BABAM2: variants seen among roughly 807,000 people sequenced by gnomAD.
The protein encoded by BABAM2 is BRISC and BRCA1 A complex member 2.
BABAM2 carries 31 observed loss-of-function variants against 54.7 expected under a neutral mutation model. The observed-to-expected ratio is 0.57, with a 90% CI of 0.43 to 0.77. The LOEUF is 0.77. Ranked by LOEUF, BABAM2 falls within the 30% of genes least tolerant of loss-of-function variation. BABAM2 has a pLI of 0.00. For missense variants in BABAM2, 364 were observed against 455.8 expected, an observed-to-expected ratio of 0.80 and a Z score of 1.83; for synonymous variants, 167 against 162.9, an observed-to-expected ratio of 1.03 and a Z score of -0.19.
At chr2:28,010,433 C>T (rs1674303902) in intron 4 of BABAM2, among the ~76,000 whole-genome samples, 1 of 151,950 alleles carries the variant, frequency 6.6e-6, no homozygotes, top group African/African-American at 2.4e-5. Context: ...TAGGAAGCTA[C>T]TCAATTTTTG....
At chr2:28,015,781 T>C in intron 4 of BABAM2, 1 of 1,088,774 alleles carries the variant, frequency 9.2e-7, no homozygotes, top group African/African-American at 1.7e-5. Context: ...AGCAGGCTTC[T>C]TTTTCTTCTT....
chr2:28,128,045 C>T (rs1440993786), intron 6 of BABAM2, among the ~76,000 whole-genome samples: 10 of 152,028 alleles, frequency 6.6e-5, no homozygotes, highest in Non-Finnish European at 1.0e-4. Context: ...ATTTCCTGAC[C>T]TCGTGATCCG....
Position 28,325,380 on chromosome 2 carries a change from T to A in BABAM2, c.1089-13070T>A, listed in dbSNP as rs2148319614. Among the ~76,000 whole-genome samples the A allele has an allele frequency of 6.6e-6, 1 of 152,266 alleles. No individual in the cohort carries two copies. The highest frequency in any genetic ancestry group is 1.5e-5 in the Non-Finnish European group (1 of 68,010). On this transcript the variant is annotated intron_variant, in intron 11 of 11. Coordinates refer to ENST00000379624, the MANE Select transcript of BABAM2 (RefSeq NM_199191.3). The surrounding 1 kb of genome is among the most constrained non-coding windows in gnomAD (Gnocchi z 4.3). ...TGCCCCCAGCCTCTCTACTGCATGA[T>A]TACAGAAGACTTGTAAGGCCCCCTC...
At chr2:28,238,728 A>G (rs1682142810) in intron 8 of BABAM2, among the ~76,000 whole-genome samples, 1 of 152,076 alleles carries the variant, frequency 6.6e-6, no homozygotes, top group South Asian at 2.1e-4. Context: ...CTGCCTTCAA[A>G]TCTGTGTCCC....
At chr2:28,136,738 C>T (rs1002586255) in intron 7 of BABAM2, among the ~76,000 whole-genome samples, 1 of 152,190 alleles carries the variant, frequency 6.6e-6, no homozygotes, top group Non-Finnish European at 1.5e-5. Flanking sequence ...CCCTCCCCTG[C>T]CTTTACCCCA....
chr2:28,107,818 C>A lies in BABAM2; in HGVS notation c.571-21453C>A, dbSNP rs1192945759. Reference sequence around the variant, plus strand: ...AGATCCTTAGTGCCTTTAGGTGTTGCCCAACACATAGTGGGGCATTAATAC... The same window carrying A: ...AGATCCTTAGTGCCTTTAGGTGTTGACCAACACATAGTGGGGCATTAATAC... On this transcript the variant is annotated intron_variant, in intron 6 of 11. Coordinates refer to ENST00000379624, the MANE Select transcript of BABAM2 (RefSeq NM_199191.3). 2.6e-5 allele frequency among the ~76,000 whole-genome samples: 4 copies of A among 152,154 alleles called. No individual in the cohort carries two copies. The East Asian group carries it at 7.7e-4, about 29-fold the overall frequency.
intron 4 of BABAM2, among the ~76,000 whole-genome samples, chr2:28,005,624 A>C (rs1673900931): frequency 6.6e-6 from 1 of 152,172 alleles, no homozygotes; most frequent in African/African-American, 2.4e-5. Flanking sequence ...GCTTCATGTC[A>C]TGGCTATAAA....
chr2:27,999,056 T>G (rs1434335182), intron 4 of BABAM2, among the ~76,000 whole-genome samples: 2 of 152,196 alleles, frequency 1.3e-5, no homozygotes, highest in African/African-American at 2.4e-5. Context: ...TTCTGTCTAG[T>G]AATTGCTTGT....
chr2:28,179,907 CAAG>C (rs910156147), intron 7 of BABAM2, among the ~76,000 whole-genome samples: 1 of 151,980 alleles, frequency 6.6e-6, no homozygotes, highest in Non-Finnish European at 1.5e-5. Flanking sequence ...TAAATTTAAA[CAAG>C]GAGGTGAAAG....
intron 11 of BABAM2, among the ~76,000 whole-genome samples, chr2:28,317,452 A>G (rs1689654026): frequency 6.6e-6 from 1 of 152,196 alleles, no homozygotes; most frequent in South Asian, 2.1e-4. Context: ...ACTTTGTTCA[A>G]TGGTGTCACT....
chr2:27,989,136 A>G (rs1045832698), intron 4 of BABAM2, among the ~76,000 whole-genome samples: 2 of 152,120 alleles, frequency 1.3e-5, no homozygotes, highest in East Asian at 1.9e-4. Context: ...TCTGAGTTCA[A>G]TATGGCCCCT....
At chr2:28,042,880 C>T (rs963023659) in intron 5 of BABAM2, among the ~76,000 whole-genome samples, 20 of 151,444 alleles carry the variant, frequency 1.3e-4, no homozygotes, top group African/African-American at 4.4e-4. Flanking sequence ...AAAAATTAGC[C>T]GGGCGTGGTG....
At chr2:27,974,971 A>G (rs1486697093) in intron 3 of BABAM2, among the ~76,000 whole-genome samples, 1 of 152,076 alleles carries the variant, frequency 6.6e-6, no homozygotes, top group Admixed American at 6.5e-5. Flanking sequence ...AAGTTAAAAA[A>G]TAGTACCAAT....
At chr2:28,087,223 C>T (rs1478291055) in intron 6 of BABAM2, among the ~76,000 whole-genome samples, 1 of 152,142 alleles carries the variant, frequency 6.6e-6, no homozygotes, top group African/African-American at 2.4e-5. Context: ...GGCTTGGCTC[C>T]TGGAGGCCAA....
chr2:28,270,101 A>G (rs891439205), intron 10 of BABAM2, among the ~76,000 whole-genome samples: 1 of 152,270 alleles, frequency 6.6e-6, no homozygotes, highest in Admixed American at 6.5e-5. Flanking sequence ...AGGTACTTGA[A>G]TAAGATATGG....
At chr2:28,031,855 A>T (rs984277739) in intron 5 of BABAM2, among the ~76,000 whole-genome samples, 2 of 152,194 alleles carry the variant, frequency 1.3e-5, no homozygotes, top group Non-Finnish European at 2.9e-5. Context: ...AAACTTAGGG[A>T]CATGACATAT....
chr2:28,333,031 C>T (rs1190784897), intron 11 of BABAM2, among the ~76,000 whole-genome samples: 2 of 152,118 alleles, frequency 1.3e-5, no homozygotes, highest in African/African-American at 2.4e-5. Context: ...TTTCCCGCTT[C>T]GGCACACACG....
chr2:27,889,781 T>A (rs1294460990), upstream of BABAM2, among the ~76,000 whole-genome samples: 3 of 152,232 alleles, frequency 2.0e-5, no homozygotes, highest in Non-Finnish European at 4.4e-5. Flanking sequence ...CAACTCATTA[T>A]TTTATACAAT....
chr2:28,124,307 A>G (rs991038765), intron 6 of BABAM2, among the ~76,000 whole-genome samples: 2 of 152,236 alleles, frequency 1.3e-5, no homozygotes, highest in African/African-American at 2.4e-5. Context: ...TGTTAAAGTC[A>G]TATTATACAA....
Sources: gnomAD v4.1 joint callset for allele counts (sites outside exome capture counted in the v4.1 genomes callset) on GRCh38, gnomAD v4.1.1 for gene constraint, Gnocchi (gnomAD v3.1) non-coding constraint, MANE v1.5 for transcripts, NCBI Gene and HGNC (gene_info 2026-07-23, HGNC 2026-07-21) for gene names.